The following ICE2 variants were observed in gnomAD, a reference collection of about 807,000 sequenced individuals.
ICE2 encodes little elongation complex subunit 2.
ICE2 carries 87 observed loss-of-function variants against 105.4 expected under a neutral mutation model. The observed-to-expected ratio is 0.83, with a 90% CI of 0.69 to 0.99. ICE2 has a LOEUF of 0.99. ICE2 is among the 50% of genes least tolerant of loss of function. The pLI is 0.00. For synonymous variants in ICE2, 399 were observed against 392.0 expected (o/e 1.02, Z -0.21); for missense variants, 1,323 against 1,146.7 (o/e 1.15, Z -2.22).
chr15:60,466,605 G>C lies in ICE2; in HGVS notation c.517C>G (p.Leu173Val). The C allele has an allele frequency of 6.2e-7, 1 of 1,611,126 alleles. No individual in the cohort carries two copies. Among genetic ancestry groups the C allele is most frequent in the Middle Eastern group, 1.7e-4 (1 of 5,788 alleles). The change falls in exon 5 of 16, where the codon CTC becomes GTC. Residue 173 changes from leucine (L) to valine (V), a missense_variant. Physicochemically the swap from Leu to Val is conservative, Grantham distance 32 (BLOSUM62 1). Coordinates refer to ENST00000261520, the MANE Select transcript of ICE2 (RefSeq NM_024611.6). ...AGTTGTTTTTTTACCTCTGTGAAGA[G>C]ACGGGCATCATCAGAAAGCATATTA... The part of the protein sequence containing the change: ...DYNMLSDDAR[L>V]FTEKILRACI...
chr15:60,443,832 G>A (rs1441733800), intron 11 of ICE2, among the ~76,000 whole-genome samples: 1 of 152,096 alleles, frequency 6.6e-6, no homozygotes, highest in Non-Finnish European at 1.5e-5. Flanking sequence ...AGTGGCTCAT[G>A]CCTATAATCC....
At chr15:60,451,072 A>G in intron 9 of ICE2, 1 of 674,922 alleles carries the variant, frequency 1.5e-6, no homozygotes, top group Non-Finnish European at 1.8e-6. Flanking sequence ...TAGTTTGAAA[A>G]AAGAAAATCC....
chr15:60,454,215 A>C (rs1463489248), intron 8 of ICE2, among the ~76,000 whole-genome samples: 1 of 152,204 alleles, frequency 6.6e-6, no homozygotes, highest in African/African-American at 2.4e-5. Context: ...GATGTTTAAA[A>C]AATTAAATAT....
chr15:60,461,891 A>C (rs2064287747), intron 5 of ICE2, among the ~76,000 whole-genome samples: 1 of 152,212 alleles, frequency 6.6e-6, no homozygotes, highest in South Asian at 2.1e-4. Flanking sequence ...AGCCTCAAAG[A>C]CTACCAGACT....
At position 60,448,127 on chromosome 15, in the gene ICE2, T is replaced by C. The variant is rs1209501248; in HGVS notation, c.2138A>G (p.Gln713Arg). 3 of 1,608,928 alleles carry C rather than the reference T, an allele frequency of 1.9e-6. No homozygotes were observed. In the African/African-American group the frequency reaches 4.0e-5, roughly 22 times the overall value. Residue 713 changes from glutamine (Q) to arginine (R), a missense_variant, in exon 11 of 16, where the codon CAG (glutamine) becomes CGG (arginine). Coordinates refer to ENST00000261520, the MANE Select transcript of ICE2 (RefSeq NM_024611.6). ...KPKGRLPYELQDYVEDTSEYL... is the reference protein window; with the variant it reads ...KPKGRLPYELRDYVEDTSEYL... ...TTCCGATGTATCTTCAACATAGTCC[T>C]GAAGTTCATATGGCAATCCTTTAAA...
chr15:60,462,467 G>A (rs1165996276), intron 5 of ICE2, among the ~76,000 whole-genome samples: 2 of 152,110 alleles, frequency 1.3e-5, no homozygotes, highest in East Asian at 1.9e-4. Context: ...TAATTAGTCC[G>A]GTTTGGCCTT....
rs2140992402 is a variant in ICE2, at chr15:60,428,697, C to T, written c.2562-10G>A. 1 of 1,610,402 alleles carries T rather than the reference C, an allele frequency of 6.2e-7. No homozygotes were observed. Among genetic ancestry groups the T allele is most frequent in the Non-Finnish European group, 8.5e-7 (1 of 1,177,074 alleles). The stretch of plus-strand genomic sequence containing the variant: ...GGAACCCTCCTGCAAGCTAAATTCA[C>T]ACAATGAAACTCAACCCACTGGCTC... On this transcript the variant is annotated splice_polypyrimidine_tract_variant and intron_variant, in intron 14 of 15. Transcript: ENST00000261520.
At chr15:60,463,169 A>G (rs370997901) in intron 5 of ICE2, among the ~76,000 whole-genome samples, 27 of 152,198 alleles carry the variant, frequency 1.8e-4, no homozygotes, top group African/African-American at 5.8e-4. Flanking sequence ...TCTTTAATTC[A>G]TTACAGGTTT....
chr15:60,443,478 A>G (rs2141039954), intron 11 of ICE2, among the ~76,000 whole-genome samples: 1 of 152,090 alleles, frequency 6.6e-6, no homozygotes. Flanking sequence ...AACAATTCAA[A>G]TCCACTAATA....
chr15:60,455,239 AAGGGGAC>A (rs1478502292), intron 7 of ICE2, 77 bp from the exon 8 acceptor site: 68 of 1,520,400 alleles, frequency 4.5e-5, no homozygotes, highest in Non-Finnish European at 5.5e-5. Context: ...AAAAGTCAGA[AAGGGGAC>A]TTTGGGACAA....
intron 2 of ICE2, among the ~76,000 whole-genome samples, chr15:60,477,696 G>A (rs1265042884): frequency 1.3e-5 from 2 of 152,144 alleles, no homozygotes; most frequent in Non-Finnish European, 2.9e-5. Context: ...ATACCTGAGG[G>A]AATTATACCT....
At chr15:60,460,004 T>G (rs1458029768) in intron 5 of ICE2, among the ~76,000 whole-genome samples, 1 of 152,176 alleles carries the variant, frequency 6.6e-6, no homozygotes, top group Non-Finnish European at 1.5e-5. Flanking sequence ...ATTTTATTTT[T>G]AAAAGAAAGG....
chr15:60,457,140 A>C (rs1425063287), intron 5 of ICE2, among the ~76,000 whole-genome samples: 1 of 152,178 alleles, frequency 6.6e-6, no homozygotes, highest in Non-Finnish European at 1.5e-5. Context: ...TAAGTAGTAT[A>C]CTCTAAGAAC....
intron 13 of ICE2, among the ~76,000 whole-genome samples, chr15:60,432,962 G>A (rs940949765): frequency 1.8e-4 from 28 of 152,164 alleles, no homozygotes; most frequent in African/African-American, 4.8e-4. Flanking sequence ...CTAATATGCC[G>A]AAGAGTTTGT....
intron 14 of ICE2, among the ~76,000 whole-genome samples, chr15:60,430,484 C>T (rs1311388414): frequency 6.6e-6 from 1 of 152,018 alleles, no homozygotes; most frequent in East Asian, 1.9e-4. Flanking sequence ...AGCTAACACA[C>T]AAACTAAATA....
chr15:60,430,134 G>A (rs2063424525), intron 14 of ICE2, among the ~76,000 whole-genome samples: 1 of 152,140 alleles, frequency 6.6e-6, no homozygotes, highest in Non-Finnish European at 1.5e-5. Context: ...ATTTTAAAAT[G>A]ATCAAATTTT....
In ICE2 at chr15:60,427,908, A is replaced by G. The variant is rs116618852; in HGVS notation, c.2820+521T>C. ...TGTAATTCAGTAAATACTGAGTTAC[A>G]TAATACCTAGAAAGACACAATTTAG... is the stretch of plus-strand genomic sequence containing the variant. On this transcript the variant is annotated intron_variant, in intron 15 of 15. Coordinates refer to ENST00000261520, the MANE Select transcript of ICE2 (RefSeq NM_024611.6). Among the ~76,000 whole-genome samples the G allele has an allele frequency of 8.7e-3, 1,319 of 152,354 alleles. 18 individuals are homozygous for G. Among genetic ancestry groups the G allele is most frequent in the African/African-American group, 0.029 (1,196 of 41,570 alleles).
chr15:60,467,229 T>A (rs201913883), intron 4 of ICE2, among the ~76,000 whole-genome samples: 1 of 152,136 alleles, frequency 6.6e-6, no homozygotes, highest in Non-Finnish European at 1.5e-5. Flanking sequence ...TCCCAAAGTG[T>A]TGGGATTACA....
Position 60,449,306 on chromosome 15 carries a change from T to C in ICE2, c.1661A>G (p.Lys554Arg). The C allele has an allele frequency of 6.2e-7, 1 of 1,613,156 alleles. No individual in the cohort carries two copies. The highest frequency in any genetic ancestry group is 1.1e-5 in the South Asian group (1 of 91,050). ...VLENLDNSKE[K>R]TVGSEAAKTE... is the part of the protein sequence containing the mutation. ...TTTTGCTGCTTCTGATCCAACAGTC[T>C]TTTCCTTTGAGTTGTCTAGGTTTTC... is the stretch of plus-strand genomic sequence containing the variant. Residue 554 changes from lysine to arginine, a missense_variant, in exon 10 of 16, where the codon AAG (lysine) becomes AGG (arginine). Transcript: ENST00000261520.
Sources: gnomAD v4.1 joint callset for allele counts (sites outside exome capture counted in the v4.1 genomes callset) on GRCh38, gnomAD v4.1.1 for gene constraint, MANE v1.5 for transcripts, NCBI Gene and HGNC (gene_info 2026-07-23, HGNC 2026-07-21) for gene names.